The following ZNF521 variants were observed in gnomAD, a reference collection of about 807,000 sequenced individuals.
ZNF521 encodes zinc finger protein 521.
ZNF521 carries 14 observed loss-of-function variants against 105.5 expected under a neutral mutation model. The observed-to-expected ratio is 0.13, with a 90% CI of 0.09 to 0.21. The LOEUF (loss-of-function observed/expected upper bound fraction) is 0.21, where lower values mean the gene tolerates loss of function less well. ZNF521 is among the 10% of genes least tolerant of loss of function. ZNF521 has a pLI of 1.00. For missense variants in ZNF521, 1,233 were observed against 1,629.7 expected (o/e 0.76, Z 4.19); for synonymous variants, 635 against 606.0 (o/e 1.05, Z -0.70).
At chr18:25,325,522 T>C (rs898379539) in intron 2 of ZNF521, among the ~76,000 whole-genome samples, 1 of 152,224 alleles carries the variant, frequency 6.6e-6, no homozygotes, top group African/African-American at 2.4e-5. Context: ...AACTCCATTG[T>C]TGTGCTATAA....
Position 25,242,674 on chromosome 18 carries a change from T to G in ZNF521, c.221-14977A>C, listed in dbSNP as rs1014995548. On this transcript the variant is annotated intron_variant, in intron 3 of 7. Coordinates refer to ENST00000361524, the MANE Select transcript of ZNF521 (RefSeq NM_015461.3). Reference sequence around the variant, plus strand: ...AATAAGGCCTGTTTTTGAACATATTTTGTTTTGCTTGGTTTTTCTCATTGT... The same window carrying G: ...AATAAGGCCTGTTTTTGAACATATTGTGTTTTGCTTGGTTTTTCTCATTGT... Among the ~76,000 whole-genome samples, 12 of 152,192 alleles carry G rather than the reference T, an allele frequency of 7.9e-5. 1 individual carries two copies. The highest frequency in any genetic ancestry group is 7.9e-4 in the Admixed American group (12 of 15,276).
At chr18:25,193,045 C>G (rs1177176665) in intron 5 of ZNF521, among the ~76,000 whole-genome samples, 3 of 152,024 alleles carry the variant, frequency 2.0e-5, no homozygotes, top group African/African-American at 7.2e-5. Flanking sequence ...GAATGTGCTT[C>G]TCTGATGAAA....
intron 4 of ZNF521, among the ~76,000 whole-genome samples, chr18:25,204,369 G>T (rs2036043686): frequency 6.6e-6 from 1 of 151,812 alleles, no homozygotes. Context: ...ATTTTCAAAG[G>T]TATCCCCAAT....
rs564369582 is a variant in ZNF521, at chr18:25,107,329, T to C, written c.3659-15248A>G. On this transcript the variant is annotated intron_variant, in intron 5 of 7. Transcript: ENST00000361524. The stretch of plus-strand genomic sequence containing the variant: ...AAATGTTTGTTCCTTTGTTGAAATA[T>C]CTTTTAACACTCAGCATTTTTACTT... 1.3e-4 allele frequency among the ~76,000 whole-genome samples: 20 copies of C among 152,352 alleles called. No individual in the cohort carries two copies. The South Asian group carries it at 3.9e-3, about 30-fold the overall frequency.
chr18:25,242,230 C>T (rs1464025587), intron 3 of ZNF521, among the ~76,000 whole-genome samples: 1 of 152,132 alleles, frequency 6.6e-6, no homozygotes, highest in Non-Finnish European at 1.5e-5. Flanking sequence ...GACTCAATAG[C>T]CTGTGTCATC....
chr18:25,117,311 T>C (rs2034348385), intron 5 of ZNF521, among the ~76,000 whole-genome samples: 1 of 151,932 alleles, frequency 6.6e-6, no homozygotes. Flanking sequence ...TCAATAGAGG[T>C]ACCTGTCTGC....
chr18:25,115,525 C>T (rs1434067436), intron 5 of ZNF521, among the ~76,000 whole-genome samples: 1 of 152,090 alleles, frequency 6.6e-6, no homozygotes, highest in Non-Finnish European at 1.5e-5. Context: ...GAATCATGGG[C>T]TTTTCTGTTC....
chr18:25,197,251 A>G (rs2035918164), intron 4 of ZNF521, among the ~76,000 whole-genome samples: 3 of 151,856 alleles, frequency 2.0e-5, no homozygotes, highest in Non-Finnish European at 4.4e-5. Context: ...ATTCTTATCT[A>G]TAAGCTCCTA....
intron 2 of ZNF521, among the ~76,000 whole-genome samples, chr18:25,345,982 C>A (rs146019600): frequency 6.8e-4 from 104 of 151,918 alleles, no homozygotes; most frequent in Middle Eastern, 3.5e-3. Flanking sequence ...GAAAAAAAAT[C>A]TCTCTCTCTA....
intron 5 of ZNF521, among the ~76,000 whole-genome samples, chr18:25,157,416 G>A (rs1054317439): frequency 4.6e-5 from 7 of 152,112 alleles, no homozygotes; most frequent in African/African-American, 1.7e-4. Context: ...GATCAGAAAC[G>A]GGAAAGTTCA....
intron 3 of ZNF521, among the ~76,000 whole-genome samples, chr18:25,260,377 C>T (rs1333484867): frequency 2.6e-5 from 4 of 151,904 alleles, no homozygotes; most frequent in African/African-American, 4.8e-5. Context: ...TTAAAAAGAA[C>T]AGGTAGCAAC....
At chr18:25,148,080 A>C (rs2034978015) in intron 5 of ZNF521, among the ~76,000 whole-genome samples, 1 of 152,178 alleles carries the variant, frequency 6.6e-6, no homozygotes, top group South Asian at 2.1e-4. Flanking sequence ...GGGGTTCCGG[A>C]GGCCAATCTG....
chr18:25,338,897 A>C (rs1412547266), intron 2 of ZNF521, among the ~76,000 whole-genome samples: 1 of 152,222 alleles, frequency 6.6e-6, no homozygotes, highest in Admixed American at 6.5e-5. Context: ...ACAGTTGTTA[A>C]ATTGTCTCAC....
At chr18:25,076,750 T>G (rs2033371839) in intron 7 of ZNF521, among the ~76,000 whole-genome samples, 1 of 152,232 alleles carries the variant, frequency 6.6e-6, no homozygotes, top group African/African-American at 2.4e-5. Flanking sequence ...GTATTGACGC[T>G]TGAATCTACC....
chr18:25,224,442 G>A lies in ZNF521; in HGVS notation c.3476C>T (p.Thr1159Ile), dbSNP rs1905956020. The A allele has an allele frequency of 1.2e-6, 2 of 1,613,442 alleles. No individual in the cohort carries two copies. The highest frequency in any genetic ancestry group is 1.1e-5 in the South Asian group (1 of 91,028). ...SESELQNHIQ[T>I]IHRELVPDSN... ...GTCTGGCACGAGCTCTCGGTGGATG[G>A]TTTGGATGTGGTTCTGGAGTTCACT... Residue 1159 changes from threonine (T) to isoleucine (I), a missense_variant, in exon 4 of 8, where the codon ACC becomes ATC. This residue lies in a region of ZNF521 where 614 missense variants were observed against 751.5 expected (regional missense o/e 0.82). Transcript: ENST00000361524.
At chr18:25,345,628 G>A (rs902270635) in intron 2 of ZNF521, among the ~76,000 whole-genome samples, 2 of 152,328 alleles carry the variant, frequency 1.3e-5, no homozygotes, top group East Asian at 3.9e-4. Flanking sequence ...CGTTTTGGAA[G>A]AGACTCACTG....
chr18:25,160,889 T>C (rs1452555863), intron 5 of ZNF521, among the ~76,000 whole-genome samples: 1 of 152,056 alleles, frequency 6.6e-6, no homozygotes. Context: ...ATTCAGCAGG[T>C]CCTGATGTTA....
intron 4 of ZNF521, among the ~76,000 whole-genome samples, chr18:25,209,580 T>C (rs2036143291): frequency 6.6e-6 from 1 of 152,202 alleles, no homozygotes; most frequent in African/African-American, 2.4e-5. Context: ...TCAAACGAAC[T>C]GCTTCTCAAG....
intron 7 of ZNF521, among the ~76,000 whole-genome samples, chr18:25,068,652 A>G (rs1446675748): frequency 1.3e-5 from 2 of 152,134 alleles, no homozygotes; most frequent in South Asian, 2.1e-4. Flanking sequence ...CCTACATTTC[A>G]TCTCCTGCCC....
Sources: gnomAD v4.1 joint callset for allele counts (sites outside exome capture counted in the v4.1 genomes callset) on GRCh38, gnomAD v4.1.1 for gene constraint, gnomAD v4.1.1 regional missense constraint, MANE v1.5 for transcripts, NCBI Gene and HGNC (gene_info 2026-07-23, HGNC 2026-07-21) for gene names.